The following KDM4B variants were observed in gnomAD, a reference collection of about 807,000 sequenced individuals.
The protein encoded by KDM4B is lysine demethylase 4B, also known as lysine-specific demethylase 4B.
In KDM4B, 32 loss-of-function variants were observed where a neutral mutation model predicts 125.2. The observed-to-expected ratio is 0.26, with a 90% CI of 0.19 to 0.34. The LOEUF is 0.34. Among genes scored for constraint, KDM4B ranks in the 10% least tolerant of loss-of-function variants. KDM4B has a pLI of 1.00. For missense variants in KDM4B, 1,190 were observed against 1,577.7 expected (o/e 0.75, Z 4.16); for synonymous variants, 721 against 677.9 (o/e 1.06, Z -0.99).
chr19:5,090,811 A>G (rs2038685190), intron 9 of KDM4B, among the ~76,000 whole-genome samples: 1 of 150,544 alleles, frequency 6.6e-6, no homozygotes, highest in African/African-American at 2.5e-5. Flanking sequence ...CCCTTGCCCC[A>G]CTTGGAGGCA....
At chr19:4,989,400 C>A (rs371712169) in intron 1 of KDM4B, among the ~76,000 whole-genome samples, 3 of 152,116 alleles carry the variant, frequency 2.0e-5, no homozygotes, top group Non-Finnish European at 4.4e-5. Context: ...TGCAGTGGCA[C>A]GATCTTGGCT....
At chr19:5,041,507 C>T (rs913187173) in intron 5 of KDM4B, among the ~76,000 whole-genome samples, 3 of 152,234 alleles carry the variant, frequency 2.0e-5, no homozygotes, top group African/African-American at 7.2e-5. Context: ...CCTCTGGCCT[C>T]AGCAGCCGGC....
chr19:5,042,887 C>T (rs191204362), intron 5 of KDM4B, among the ~76,000 whole-genome samples: 6 of 151,098 alleles, frequency 4.0e-5, no homozygotes, highest in East Asian at 2.0e-4. Context: ...ATCTGTATTT[C>T]GCGTACACTT....
At chr19:5,002,735 C>T (rs1338706093) in intron 1 of KDM4B, among the ~76,000 whole-genome samples, 1 of 151,926 alleles carries the variant, frequency 6.6e-6, no homozygotes, top group Non-Finnish European at 1.5e-5. Context: ...ATCACTTGAG[C>T]CCAGGAGTTT....
At chr19:5,132,254 G>A (rs994691549) in intron 13 of KDM4B, among the ~76,000 whole-genome samples, 1 of 152,156 alleles carries the variant, frequency 6.6e-6, no homozygotes, top group African/African-American at 2.4e-5. Context: ...ATGATGGGCG[G>A]TTCAGGGCTG....
At chr19:5,061,932 C>T (rs2037613533) in intron 6 of KDM4B, among the ~76,000 whole-genome samples, 1 of 152,146 alleles carries the variant, frequency 6.6e-6, no homozygotes, top group African/African-American at 2.4e-5. Context: ...TCTGTCATTG[C>T]CTTGGGAGGA....
In KDM4B at chr19:5,142,392, G is replaced by GGTGGA. The variant is rs1357117590; in HGVS notation, c.2551-1571_2551-1570insAGTGG. On this transcript the variant is annotated intron_variant, in intron 18 of 22. Coordinates refer to ENST00000159111, the MANE Select transcript of KDM4B (RefSeq NM_015015.3). This position sits in a 1 kb window ranked among gnomAD's most constrained non-coding sequence, Gnocchi z 5.4. ...CGTGACTGGACCTCGCCTTAGTAGG[G>GGTGGA]GTGGCTCTGGGCAACCTCGGCCCCA... 6.6e-6 allele frequency among the ~76,000 whole-genome samples: 1 copy of GGTGGA among 152,196 alleles called. No homozygotes were observed. The highest frequency in any genetic ancestry group is 2.4e-5 in the African/African-American group (1 of 41,456).
chr19:5,144,226 C>G, intron 19 of KDM4B, 22 bp from the exon 20 acceptor site: 5 of 1,593,170 alleles, frequency 3.1e-6, no homozygotes, highest in Non-Finnish European at 4.3e-6. Flanking sequence ...GACCGCCCCC[C>G]ACACCCTCCG....
intron 18 of KDM4B, among the ~76,000 whole-genome samples, chr19:5,139,738 G>A (rs1031821647): frequency 6.6e-6 from 1 of 152,250 alleles, no homozygotes; most frequent in African/African-American, 2.4e-5. Context: ...CGTCTGTTCT[G>A]CTCCTTCGCC....
intron 5 of KDM4B, among the ~76,000 whole-genome samples, chr19:5,044,262 C>T (rs1339117642): frequency 2.6e-5 from 1 of 37,928 alleles, no homozygotes; most frequent in Non-Finnish European, 5.3e-5. Flanking sequence ...CACCTTATCC[C>T]GCGTGGTGTT....
chr19:5,073,245 G>A (rs867208601), intron 7 of KDM4B, among the ~76,000 whole-genome samples: 26 of 152,228 alleles, frequency 1.7e-4, no homozygotes, highest in African/African-American at 4.6e-4. Flanking sequence ...CTCACTGAGC[G>A]GTCAGGGAGC....
intron 5 of KDM4B, among the ~76,000 whole-genome samples, chr19:5,042,750 G>A (rs1031274383): frequency 6.6e-6 from 1 of 151,388 alleles, no homozygotes; most frequent in African/African-American, 2.4e-5. Flanking sequence ...GGACAGCACC[G>A]CGGGGATGGC....
chr19:5,135,312 C>T (rs368722518), intron 14 of KDM4B, 27 bp from the exon 15 acceptor site: 2 of 1,522,982 alleles, frequency 1.3e-6, no homozygotes, highest in Non-Finnish European at 1.8e-6. Context: ...ATGGCTCTGT[C>T]CCCTGAAGGT....
intron 12 of KDM4B, 115 bp downstream of exon 12, chr19:5,131,660 G>GCGC: frequency 1.6e-6 from 1 of 627,348 alleles, no homozygotes; most frequent in Non-Finnish European, 2.7e-6. Flanking sequence ...GGGAGGAGGG[G>GCGC]ACAGGAGGGC....
intron 5 of KDM4B, among the ~76,000 whole-genome samples, chr19:5,043,467 C>T (rs1227073381): frequency 4.0e-5 from 5 of 125,760 alleles, no homozygotes; most frequent in South Asian, 2.7e-4. Flanking sequence ...CTGTGTTTAT[C>T]GGAGTGGGGG....
intron 6 of KDM4B, among the ~76,000 whole-genome samples, chr19:5,048,393 C>A (rs902177111): frequency 1.3e-5 from 2 of 152,242 alleles, no homozygotes; most frequent in African/African-American, 4.8e-5. Flanking sequence ...CTGCTTGTGA[C>A]TGCGGAACCT....
chr19:5,033,748 T>C (rs900900695), intron 3 of KDM4B, among the ~76,000 whole-genome samples: 9 of 151,356 alleles, frequency 5.9e-5, no homozygotes, highest in African/African-American at 2.2e-4. Flanking sequence ...TTATTGGTTC[T>C]TCTCTCTCTC....
chr19:4,982,513 T>C (rs1042132950), intron 1 of KDM4B, among the ~76,000 whole-genome samples: 4 of 151,624 alleles, frequency 2.6e-5, no homozygotes, highest in Admixed American at 6.6e-5. Context: ...AAATGTTGTA[T>C]TTCCTTTTTT....
chr19:5,007,499 A>G (rs1007035573), intron 1 of KDM4B, among the ~76,000 whole-genome samples: 3 of 146,526 alleles, frequency 2.0e-5, no homozygotes, highest in Non-Finnish European at 4.5e-5. Flanking sequence ...TTGCAAATAT[A>G]TGTTCTCCTG....
Sources: allele counts gnomAD v4.1 joint callset (sites outside exome capture counted in the v4.1 genomes callset), GRCh38; gene constraint gnomAD v4.1.1; non-coding constraint Gnocchi (gnomAD v3.1); transcripts MANE v1.5; gene names NCBI Gene and HGNC (gene_info 2026-07-23, HGNC 2026-07-21).